The following GRIP1 variants were observed in gnomAD, a reference collection of about 807,000 sequenced individuals.
The protein encoded by GRIP1 is glutamate receptor interacting protein 1.
GRIP1 carries 45 observed loss-of-function variants against 129.9 expected under a neutral mutation model. That is an observed-to-expected ratio of 0.35 (90% CI 0.27 to 0.44). The LOEUF (loss-of-function observed/expected upper bound fraction) is 0.44, where lower values mean the gene tolerates loss of function less well. Ranked by LOEUF, GRIP1 falls within the 20% of genes least tolerant of loss-of-function variation. The pLI, the probability that GRIP1 is intolerant of heterozygous loss-of-function variation, is 1.00. For synonymous variants in GRIP1, 530 were observed against 520.8 expected, an observed-to-expected ratio of 1.02 and a Z score of -0.24; for missense variants, 1,196 against 1,396.8, an observed-to-expected ratio of 0.86 and a Z score of 2.29.
At position 66,544,981 on chromosome 12, in the gene GRIP1, T is replaced by C. The variant is rs1162427084; in HGVS notation, c.137-3031A>G. On this transcript the variant is annotated intron_variant, in intron 2 of 24. Transcript: ENST00000359742. ...AAACAGTGGAACTTGGGCAAGTCAATATGTACTGATGATTTCTTTCTTTTG... is the reference window on the plus strand; with the variant it reads ...AAACAGTGGAACTTGGGCAAGTCAACATGTACTGATGATTTCTTTCTTTTG... Among the ~76,000 whole-genome samples the C allele has an allele frequency of 2.6e-5, 4 of 152,250 alleles. No individual in the cohort carries two copies. In the South Asian group the frequency reaches 6.2e-4, roughly 24 times the overall value.
chr12:67,007,307 A>G (rs1228969288), intron 1 of GRIP1, among the ~76,000 whole-genome samples: 2 of 152,224 alleles, frequency 1.3e-5, no homozygotes, highest in Non-Finnish European at 2.9e-5. Context: ...TCACGGCAAC[A>G]AGATTCATAT....
At chr12:66,477,113 G>GTA (rs2059640689) in intron 7 of GRIP1, among the ~76,000 whole-genome samples, 1 of 152,132 alleles carries the variant, frequency 6.6e-6, no homozygotes, top group African/African-American at 2.4e-5. Context: ...TGACATGATT[G>GTA]TATATTTAGA....
chr12:66,599,266 G>A (rs1300274454), intron 1 of GRIP1, among the ~76,000 whole-genome samples: 2 of 152,118 alleles, frequency 1.3e-5, no homozygotes, highest in Non-Finnish European at 2.9e-5. Context: ...AAAGTTCAGT[G>A]TTATCTAATG....
At chr12:66,384,059 C>T (rs2056245014) in intron 19 of GRIP1, among the ~76,000 whole-genome samples, 1 of 152,200 alleles carries the variant, frequency 6.6e-6, no homozygotes, top group Admixed American at 6.5e-5. Flanking sequence ...TACATACCAG[C>T]TCGAAGTGCC....
chr12:67,036,757 C>A (rs1352265050), intron 1 of GRIP1, among the ~76,000 whole-genome samples: 1 of 152,130 alleles, frequency 6.6e-6, no homozygotes, highest in Non-Finnish European at 1.5e-5. Flanking sequence ...AATTACTAAA[C>A]CTACCCATCC....
At chr12:66,997,641 C>T (rs7960930) in intron 1 of GRIP1, among the ~76,000 whole-genome samples, 43,467 of 152,032 alleles carry the variant, frequency 0.29, 7,448 homozygotes, top group Non-Finnish European at 0.38. Flanking sequence ...CTGATCACAA[C>T]TCCTGGCTAT....
intron 1 of GRIP1, among the ~76,000 whole-genome samples, chr12:66,759,507 C>T (rs1413749803): frequency 1.3e-5 from 2 of 152,232 alleles, no homozygotes; most frequent in Non-Finnish European, 2.9e-5. Flanking sequence ...CAAATTTCTG[C>T]ATCCAGCTTG....
intron 1 of GRIP1, among the ~76,000 whole-genome samples, chr12:66,745,726 A>C (rs77704094): frequency 6.6e-6 from 1 of 152,318 alleles, no homozygotes; most frequent in East Asian, 1.9e-4. Context: ...AATGTAAGAA[A>C]AGGTCAGAAA....
At chr12:66,594,612 T>C (rs1162304121) in intron 2 of GRIP1, among the ~76,000 whole-genome samples, 1 of 152,190 alleles carries the variant, frequency 6.6e-6, no homozygotes, top group Non-Finnish European at 1.5e-5. Context: ...ATTCTGGTGC[T>C]TACAGCTCTA....
intron 1 of GRIP1, among the ~76,000 whole-genome samples, chr12:66,969,996 CT>C (rs1414880306): frequency 6.6e-6 from 1 of 152,126 alleles, no homozygotes; most frequent in African/African-American, 2.4e-5. Flanking sequence ...CCGAAATTCC[CT>C]GTGTGATAAT....
At chr12:66,938,543 G>T (rs2041525358) in intron 1 of GRIP1, among the ~76,000 whole-genome samples, 2 of 152,116 alleles carry the variant, frequency 1.3e-5, no homozygotes, top group South Asian at 4.1e-4. Context: ...AATCTAGAAG[G>T]GTTCGAGGGG....
At chr12:66,769,570 G>T (rs1182370570) in intron 1 of GRIP1, among the ~76,000 whole-genome samples, 1 of 152,068 alleles carries the variant, frequency 6.6e-6, no homozygotes, top group African/African-American at 2.4e-5. Context: ...AAGGGCACGG[G>T]TACCATTTTC....
At chr12:66,472,078 C>A (rs74490296) in intron 7 of GRIP1, among the ~76,000 whole-genome samples, 6,583 of 152,244 alleles carry the variant, frequency 0.043, 358 homozygotes, top group African/African-American at 0.12. Flanking sequence ...ATGCTTTGGG[C>A]ATCAGATGAA....
At chr12:66,824,838 G>A (rs2039381114) in intron 1 of GRIP1, among the ~76,000 whole-genome samples, 1 of 152,036 alleles carries the variant, frequency 6.6e-6, no homozygotes, top group African/African-American at 2.4e-5. Context: ...TACTGGAAAT[G>A]TATATGATAG....
At chr12:66,724,774 G>T (rs1050582981) in intron 1 of GRIP1, among the ~76,000 whole-genome samples, 2 of 152,110 alleles carry the variant, frequency 1.3e-5, no homozygotes, top group Admixed American at 1.3e-4. Flanking sequence ...AAAAAACCCA[G>T]GGAGTTCAGA....
intron 23 of GRIP1, among the ~76,000 whole-genome samples, chr12:66,361,042 T>C (rs1179200749): frequency 6.6e-6 from 1 of 152,196 alleles, no homozygotes; most frequent in Non-Finnish European, 1.5e-5. Context: ...ACTCTGACAA[T>C]TTAAGTAATG....
At chr12:66,953,176 T>A (rs1436550096) in intron 1 of GRIP1, among the ~76,000 whole-genome samples, 1 of 152,206 alleles carries the variant, frequency 6.6e-6, no homozygotes, top group Non-Finnish European at 1.5e-5. Context: ...ATTCATTTTA[T>A]CAATATTTAT....
intron 2 of GRIP1, among the ~76,000 whole-genome samples, chr12:66,574,742 T>G (rs751027150): frequency 6.6e-6 from 1 of 152,062 alleles, no homozygotes; most frequent in African/African-American, 2.4e-5. Context: ...TCCACTCTAC[T>G]TGTCCTCTTG....
chr12:66,962,270 A>G (rs541637227), intron 1 of GRIP1, among the ~76,000 whole-genome samples: 2 of 152,296 alleles, frequency 1.3e-5, no homozygotes, highest in Admixed American at 1.3e-4. Flanking sequence ...ATGGAAACCT[A>G]CTAACAGGAT....
Sources: allele counts gnomAD v4.1 joint callset (sites outside exome capture counted in the v4.1 genomes callset), GRCh38; gene constraint gnomAD v4.1.1; transcripts MANE v1.5; gene names NCBI Gene and HGNC (gene_info 2026-07-23, HGNC 2026-07-21).